Variants in CPVL observed in about 807,000 individuals in gnomAD.
CPVL encodes probable serine carboxypeptidase CPVL.
In CPVL, 51 loss-of-function variants were observed where a neutral mutation model predicts 63.7. That is an observed-to-expected ratio of 0.80 (90% CI 0.64 to 1.01). CPVL has a LOEUF of 1.01. Among genes scored for constraint, CPVL ranks in the 50% least tolerant of loss-of-function variants. The probability of loss-of-function intolerance (pLI) is 0.00; values close to 1 mark genes in which losing one functional copy is unlikely to be tolerated. For missense variants in CPVL, 530 were observed against 573.1 expected (o/e 0.92, Z 0.77); for synonymous variants, 195 against 206.0 (o/e 0.95, Z 0.46).
At chr7:29,027,683 T>C (rs969655039) in intron 12 of CPVL, among the ~76,000 whole-genome samples, 3 of 152,124 alleles carry the variant, frequency 2.0e-5, no homozygotes, top group Non-Finnish European at 4.4e-5. Flanking sequence ...TATATACTAA[T>C]AATGAACTAG....
At chr7:29,102,588 A>T (rs561464156) in intron 3 of CPVL, among the ~76,000 whole-genome samples, 16 of 152,318 alleles carry the variant, frequency 1.1e-4, no homozygotes, top group Non-Finnish European at 1.5e-4. Flanking sequence ...TCTAAATATT[A>T]AAGAAAGAAC....
intron 7 of CPVL, among the ~76,000 whole-genome samples, chr7:29,079,904 T>C (rs1185720932): frequency 1.3e-5 from 2 of 152,176 alleles, no homozygotes; most frequent in Non-Finnish European, 2.9e-5. Context: ...ATCAGATCCT[T>C]TCTATGGAAC....
chr7:29,165,555 T>G (rs1795800744), intron 5 of CPVL, among the ~76,000 whole-genome samples: 1 of 152,206 alleles, frequency 6.6e-6, no homozygotes. Flanking sequence ...TTTCTTTTTC[T>G]TTCATTAATA....
intron 5 of CPVL, among the ~76,000 whole-genome samples, chr7:29,162,875 C>A (rs1237954899): frequency 6.6e-6 from 1 of 152,074 alleles, no homozygotes; most frequent in Non-Finnish European, 1.5e-5. Context: ...ATGGAACAGT[C>A]CTGTATGTTG....
At chr7:29,103,411 A>ATTTTTTTTTTTT (rs551627609) in intron 3 of CPVL, among the ~76,000 whole-genome samples, 6 of 134,804 alleles carry the variant, frequency 4.5e-5, no homozygotes, top group African/African-American at 8.6e-5. Flanking sequence ...ATGCTCAGCT[A>ATTTTTTTTTTTT]TTTTTTTTTT....
intron 12 of CPVL, among the ~76,000 whole-genome samples, chr7:29,020,443 A>T (rs1466281235): frequency 2.6e-5 from 4 of 152,116 alleles, no homozygotes; most frequent in Non-Finnish European, 5.9e-5. Context: ...ACTATTTATA[A>T]TTTTTTCTTC....
intron 5 of CPVL, among the ~76,000 whole-genome samples, chr7:29,172,931 G>A (rs1025211853): frequency 6.6e-6 from 1 of 152,046 alleles, no homozygotes; most frequent in African/African-American, 2.4e-5. Flanking sequence ...AGGAGTTTGA[G>A]ACCAGCGTGG....
At chr7:29,146,579 C>T, upstream of CPVL, 1 of 1,548,374 alleles carries the variant, frequency 6.5e-7, no homozygotes, top group Non-Finnish European at 8.7e-7. Context: ...CTCCTCTAGG[C>T]TCACATGACC....
rs79466962 is a variant in CPVL, at chr7:29,055,758, G to A, written c.1137+8303C>T. ...AGGGCCACCCTGCCTTATTGCTCTT[G>A]CTCCACAGAATTCCCTTCTCTGCCT... is the stretch of plus-strand genomic sequence containing the variant. On this transcript the variant is annotated intron_variant, in intron 11 of 12. Transcript: ENST00000265394. Among the ~76,000 whole-genome samples, 690 of 152,278 alleles carry A rather than the reference G, an allele frequency of 4.5e-3. 6 individuals are homozygous for A. The highest frequency in any genetic ancestry group is 0.016 in the African/African-American group (653 of 41,562).
At chr7:29,147,960 C>T (rs1792993904), upstream of CPVL, among the ~76,000 whole-genome samples, 1 of 152,180 alleles carries the variant, frequency 6.6e-6, no homozygotes, top group Non-Finnish European at 1.5e-5. Context: ...ATTTCCAGTT[C>T]CTGGTTTGCA....
At chr7:29,166,641 T>C (rs1371143298) in intron 5 of CPVL, among the ~76,000 whole-genome samples, 1 of 152,114 alleles carries the variant, frequency 6.6e-6, no homozygotes, top group Non-Finnish European at 1.5e-5. Flanking sequence ...TTGTCAAATA[T>C]TATGGCAAAA....
At chr7:29,025,063 C>A (rs1215086645) in intron 12 of CPVL, among the ~76,000 whole-genome samples, 3 of 152,144 alleles carry the variant, frequency 2.0e-5, no homozygotes, top group African/African-American at 7.2e-5. Flanking sequence ...AATAAGTTCT[C>A]ACCTATCAGT....
chr7:29,116,220 A>G (rs1191319043), intron 2 of CPVL, among the ~76,000 whole-genome samples: 1 of 152,252 alleles, frequency 6.6e-6, no homozygotes, highest in Non-Finnish European at 1.5e-5. Context: ...GACCTTGCTA[A>G]AAGATCTTAA....
intron 1 of CPVL, chr7:29,194,903 C>T: frequency 4.0e-6 from 6 of 1,505,432 alleles, no homozygotes; most frequent in Non-Finnish European, 5.3e-6. Flanking sequence ...GGCGTCCGCA[C>T]CGGGGCTGAG....
At chr7:29,147,949 G>A (rs893993700), upstream of CPVL, among the ~76,000 whole-genome samples, 53 of 152,300 alleles carry the variant, frequency 3.5e-4, no homozygotes, top group African/African-American at 1.2e-3. Context: ...AGGGAGAGGC[G>A]ATTTCCAGTT....
At chr7:29,043,649 C>T (rs931545937) in intron 11 of CPVL, among the ~76,000 whole-genome samples, 4 of 152,134 alleles carry the variant, frequency 2.6e-5, no homozygotes, top group African/African-American at 9.7e-5. Flanking sequence ...TGTGCTGCTG[C>T]GTTGATCATT....
At position 29,038,368 on chromosome 7, in the gene CPVL, A is replaced by G. The variant is rs560742260; in HGVS notation, c.1138-7609T>C. 2.6e-4 allele frequency among the ~76,000 whole-genome samples: 39 copies of G among 152,344 alleles called. 1 individual carries two copies. The South Asian group carries it at 8.1e-3, about 32-fold the overall frequency. On this transcript the variant is annotated intron_variant, in intron 11 of 12. Coordinates refer to ENST00000265394, the MANE Select transcript of CPVL (RefSeq NM_031311.5). Reference sequence around the variant, plus strand: ...CCATGTGAGGATACAAAAAGAGGTCAGTAGTCTGCAACCCAGGAGATCCTC... The same window carrying G: ...CCATGTGAGGATACAAAAAGAGGTCGGTAGTCTGCAACCCAGGAGATCCTC...
chr7:29,042,194 T>C lies in CPVL; in HGVS notation c.1138-11435A>G, dbSNP rs138861061. 3.1e-3 allele frequency among the ~76,000 whole-genome samples: 471 copies of C among 152,300 alleles called. 3 individuals are homozygous for C. The highest frequency in any genetic ancestry group is 0.011 in the African/African-American group (448 of 41,558). On this transcript the variant is annotated intron_variant, in intron 11 of 12. Transcript: ENST00000265394. ...GGAGGAGGAGCAGCAGATACTCCCA[T>C]AATAGCTATCATTACAGGGGAGCAG...
In CPVL at chr7:29,121,088, A is replaced by G. The variant is rs750049806; in HGVS notation, c.-10-17T>C. The stretch of plus-strand genomic sequence containing the variant: ...TCTCAGGGTCTAGGATAAAAACAGC[A>G]TTCCAAAAATGAATCATAAGAGTAA... On this transcript the variant is annotated splice_polypyrimidine_tract_variant and intron_variant, in intron 1 of 12. Coordinates refer to ENST00000265394, the MANE Select transcript of CPVL (RefSeq NM_031311.5). 13 of 1,554,956 alleles carry G rather than the reference A, an allele frequency of 8.4e-6. No homozygotes were observed. The highest frequency in any genetic ancestry group is 1.4e-5 in the African/African-American group (1 of 71,658).
Sources: allele counts gnomAD v4.1 joint callset (sites outside exome capture counted in the v4.1 genomes callset), GRCh38; gene constraint gnomAD v4.1.1; transcripts MANE v1.5; gene names NCBI Gene and HGNC (gene_info 2026-07-23, HGNC 2026-07-21).